ARGLU1: variants seen among roughly 807,000 people sequenced by gnomAD.
The protein encoded by ARGLU1 is arginine and glutamate-rich protein 1.
ARGLU1 carries 9 observed loss-of-function variants against 37.6 expected under a neutral mutation model. The observed-to-expected ratio is 0.24, with a 90% CI of 0.14 to 0.42. The LOEUF is 0.42. Among genes scored for constraint, ARGLU1 ranks in the 10% least tolerant of loss-of-function variants. The pLI is 1.00. For missense variants in ARGLU1, 211 were observed against 359.2 expected (o/e 0.59, Z 3.34); for synonymous variants, 166 against 138.5 (o/e 1.20, Z -1.39).
In ARGLU1 at chr13:106,557,170, A is replaced by G. The variant is rs904048568; in HGVS notation, c.574-39T>C. On this transcript the variant is annotated intron_variant, in intron 2 of 3. Coordinates refer to ENST00000400198, the MANE Select transcript of ARGLU1 (RefSeq NM_018011.4). This position sits in a 1 kb window ranked among gnomAD's most constrained non-coding sequence, Gnocchi z 5.0. ...TATGTTAAGATATTAGAAAAACAAA[A>G]TGTTTATTTTTATTGATAAATATTT... The G allele has an allele frequency of 6.6e-6, 10 of 1,521,498 alleles. No individual in the cohort carries two copies. The highest frequency in any genetic ancestry group is 1.7e-5 in the Admixed American group (1 of 59,010). 94.2% of individuals were successfully genotyped at this position (1,521,498 alleles called of 1,614,324 possible).
At chr13:106,558,452 A>G in intron 2 of ARGLU1, 1 of 985,424 alleles carries the variant, frequency 1.0e-6, no homozygotes, top group Non-Finnish European at 1.2e-6. Flanking sequence ...TTTGAGTCAA[A>G]TATTTCAGTT....
chr13:106,557,244 T>C lies in ARGLU1; in HGVS notation c.574-113A>G, dbSNP rs1302335398. On this transcript the variant is annotated intron_variant, in intron 2 of 3. Coordinates refer to ENST00000400198, the MANE Select transcript of ARGLU1 (RefSeq NM_018011.4). The surrounding 1 kb of genome is among the most constrained non-coding windows in gnomAD (Gnocchi z 5.0). The stretch of plus-strand genomic sequence containing the variant: ...TGATATGACTTACAGGGTAGCTTTA[T>C]AGCTACCTTCTGTCTGACAAATGAT... 1.1e-5 allele frequency: 10 copies of C among 901,672 alleles called. No individual in the cohort carries two copies. The highest frequency in any genetic ancestry group is 1.7e-5 in the African/African-American group (1 of 59,298). The allele number at this position is 901,672 out of a possible 1,614,324, so 55.9% of individuals were successfully genotyped here.
rs904527272 is a variant in ARGLU1 at position 106,559,755 on chromosome 13, T to C, written c.348-98A>G. On this transcript the variant is annotated intron_variant, in intron 1 of 3. Transcript: ENST00000400198. ...AAGTCTATCAAGCCATTGAGCCTGATATTATTCAGTGATTTTTTCAGAATT... is the reference window on the plus strand; with the variant it reads ...AAGTCTATCAAGCCATTGAGCCTGACATTATTCAGTGATTTTTTCAGAATT... The C allele has an allele frequency of 1.1e-5, 14 of 1,282,458 alleles. No homozygotes were observed. In the African/African-American group the frequency reaches 2.0e-4, roughly 18 times the overall value. 79.4% of individuals were successfully genotyped at this position (1,282,458 alleles called of 1,614,324 possible).
chr13:106,547,483 A>T (rs1307087207), intron 3 of ARGLU1, among the ~76,000 whole-genome samples: 1 of 152,220 alleles, frequency 6.6e-6, no homozygotes, highest in Admixed American at 6.5e-5. Context: ...AATATGGGGT[A>T]CACTAAATAA....
chr13:106,559,285 A>C (rs1395329596), intron 2 of ARGLU1, 147 bp downstream of exon 2: 1 of 1,537,662 alleles, frequency 6.5e-7, no homozygotes, highest in African/African-American at 1.4e-5. Context: ...AGGCTAAAAA[A>C]TTAACTTTCG....
chr13:106,546,773 C>G (rs1426145728), intron 3 of ARGLU1, among the ~76,000 whole-genome samples: 1 of 152,104 alleles, frequency 6.6e-6, no homozygotes, highest in Non-Finnish European at 1.5e-5. Context: ...AGTGAGGGTA[C>G]ATAAAGAACA....
chr13:106,558,906 T>C (rs764580604), intron 2 of ARGLU1: 1 of 985,286 alleles, frequency 1.0e-6, no homozygotes. Context: ...TGAAGCAGGG[T>C]TTAGGGGAGG....
chr13:106,543,881 C>CT lies in ARGLU1; in HGVS notation c.*114dup. The stretch of plus-strand genomic sequence containing the variant: ...CATAGCCCCTATTAGAACAAGCTAA[C>CT]TTTCCAGATTTTACAAATTAAAAAA... On this transcript the variant is annotated 3_prime_UTR_variant, in exon 4 of 4. Transcript: ENST00000400198. 2 of 939,550 alleles carry CT rather than the reference C, an allele frequency of 2.1e-6. No homozygotes were observed. Among genetic ancestry groups the CT allele is most frequent in the South Asian group, 3.5e-5 (2 of 57,214 alleles). 58.2% of individuals were successfully genotyped at this position (939,550 alleles called of 1,614,324 possible).
intron 3 of ARGLU1, among the ~76,000 whole-genome samples, chr13:106,550,367 A>C (rs1434715264): frequency 1.3e-5 from 2 of 152,174 alleles, no homozygotes; most frequent in African/African-American, 4.8e-5. Flanking sequence ...TTTATTTTTT[A>C]AATTACTGTC....
At chr13:106,547,126 T>C (rs1206159562) in intron 3 of ARGLU1, among the ~76,000 whole-genome samples, 1 of 152,180 alleles carries the variant, frequency 6.6e-6, no homozygotes, top group African/African-American at 2.4e-5. Context: ...TTGCTCGCCA[T>C]GTGATGCCTT....
At chr13:106,562,275 C>T (rs1392156063) in intron 1 of ARGLU1, among the ~76,000 whole-genome samples, 2 of 152,156 alleles carry the variant, frequency 1.3e-5, no homozygotes, top group African/African-American at 4.8e-5. Flanking sequence ...AGAAACAATG[C>T]TGAAGGAAAG....
chr13:106,560,882 T>C (rs1467349496), intron 1 of ARGLU1, among the ~76,000 whole-genome samples: 2 of 152,214 alleles, frequency 1.3e-5, no homozygotes, highest in African/African-American at 2.4e-5. Flanking sequence ...AGTTTCTAAG[T>C]GACCTTTAAA....
chr13:106,558,066 T>C (rs938555085), intron 2 of ARGLU1: 3 of 985,240 alleles, frequency 3.0e-6, no homozygotes, highest in African/African-American at 1.7e-5. Context: ...GATCACAGCA[T>C]ACATATTCAA....
intron 1 of ARGLU1, among the ~76,000 whole-genome samples, chr13:106,563,355 C>T (rs144475119): frequency 6.6e-6 from 1 of 152,140 alleles, no homozygotes; most frequent in Non-Finnish European, 1.5e-5. Flanking sequence ...TAGACTCGAG[C>T]ACACTGGATG....
At chr13:106,549,352 C>G (rs1271780249) in intron 3 of ARGLU1, among the ~76,000 whole-genome samples, 5 of 152,184 alleles carry the variant, frequency 3.3e-5, no homozygotes, top group Non-Finnish European at 7.4e-5. Flanking sequence ...AGATAAACAG[C>G]CTGATCCACT....
intron 2 of ARGLU1, chr13:106,559,058 G>T (rs755812333): frequency 5.8e-6 from 7 of 1,208,274 alleles, no homozygotes; most frequent in Non-Finnish European, 7.3e-6. Context: ...CAGAGTGACA[G>T]AATAGAAGAA....
rs1485747815 is a variant in ARGLU1 at position 106,543,434 on chromosome 13, G to C, written c.*562C>G. 1.3e-5 allele frequency: 2 copies of C among 152,446 alleles called. No individual in the cohort carries two copies. Among genetic ancestry groups the C allele is most frequent in the African/African-American group, 4.8e-5 (2 of 41,396 alleles). 9.4% of individuals were successfully genotyped at this position (152,446 alleles called of 1,614,324 possible). On this transcript the variant is annotated 3_prime_UTR_variant, in exon 4 of 4. Coordinates refer to ENST00000400198, the MANE Select transcript of ARGLU1 (RefSeq NM_018011.4). ...AAACAAAATGAACAGAGACAATACT[G>C]AACTGTATATATACTTTGTATCAGA...
chr13:106,559,745 T>A, intron 1 of ARGLU1, 88 bp from the exon 2 acceptor site: 1 of 1,348,834 alleles, frequency 7.4e-7, no homozygotes, highest in Non-Finnish European at 1.0e-6. Flanking sequence ...TATCAAGCCA[T>A]TGAGCCTGAT....
intron 3 of ARGLU1, among the ~76,000 whole-genome samples, chr13:106,546,805 G>T (rs1880402471): frequency 6.6e-6 from 1 of 152,166 alleles, no homozygotes; most frequent in East Asian, 1.9e-4. Flanking sequence ...ATCCATAAGA[G>T]AAATCTAATG....
Sources: gnomAD v4.1 joint callset for allele counts (sites outside exome capture counted in the v4.1 genomes callset) on GRCh38, gnomAD v4.1.1 for gene constraint, Gnocchi (gnomAD v3.1) non-coding constraint, MANE v1.5 for transcripts, NCBI Gene and HGNC (gene_info 2026-07-23, HGNC 2026-07-21) for gene names.